GAL: variants seen among roughly 807,000 people sequenced by gnomAD.
GAL encodes the protein galanin and GMAP prepropeptide.
Under a neutral mutation model 15.8 loss-of-function variants are expected in GAL, and 14 were observed. That is an observed-to-expected ratio of 0.89 (90% CI 0.59 to 1.39). The LOEUF (loss-of-function observed/expected upper bound fraction) is 1.39, where lower values mean the gene tolerates loss of function less well. Among genes scored for constraint, GAL ranks in the 40% most tolerant of loss-of-function variants. The pLI, the probability that GAL is intolerant of heterozygous loss-of-function variation, is 0.00. For synonymous variants in GAL, 79 were observed against 73.8 expected (o/e 1.07, Z -0.36); for missense variants, 176 against 170.4 (o/e 1.03, Z -0.18).
intron 5 of GAL, among the ~76,000 whole-genome samples, chr11:68,689,481 C>G (rs1263671616): frequency 6.6e-6 from 1 of 152,090 alleles, no homozygotes; most frequent in Non-Finnish European, 1.5e-5. Context: ...ACTGCAGCCT[C>G]TGCCTCCTGG....
At chr11:68,690,850 C>CATGCTTCCTGTAGCAT in intron 5 of GAL, 67 bp from the exon 6 acceptor site, 1 of 1,000,364 alleles carries the variant, frequency 1.0e-6, no homozygotes, top group Non-Finnish European at 1.6e-6. Context: ...TAGCATGTGT[C>CATGCTTCCTGTAGCAT]GTGGTTGTAA....
At chr11:68,688,237 G>A in intron 4 of GAL, 137 bp downstream of exon 4, 1 of 643,032 alleles carries the variant, frequency 1.6e-6, no homozygotes, top group Non-Finnish European at 2.8e-6. Flanking sequence ...AAGACGATGT[G>A]GCCTCGCCAC....
At position 68,684,977 on chromosome 11, in the gene GAL, T is replaced by C; in HGVS notation, c.54T>C (p.Leu18=). The C allele has an allele frequency of 6.2e-7, 1 of 1,606,290 alleles. No homozygotes were observed. Among genetic ancestry groups the C allele is most frequent in the Non-Finnish European group, 8.5e-7 (1 of 1,176,434 alleles). Residue 18 remains leucine, a synonymous_variant, in exon 2 of 6, where the codon CTT becomes CTC. Coordinates refer to ENST00000265643, the MANE Select transcript of GAL (RefSeq NM_015973.5). The part of the protein sequence containing the change: ...LLASLLLAAA[L]SASAGLWSPA... ...CCTCCCTCCTCCTCGCCGCGGCCCT[T>C]TCTGCCTCTGCGGGGCTCTGGTCGC... is the stretch of plus-strand genomic sequence containing the variant.
chr11:68,686,407 G>C (rs1945852719), intron 3 of GAL, among the ~76,000 whole-genome samples: 1 of 152,156 alleles, frequency 6.6e-6, no homozygotes, highest in South Asian at 2.1e-4. Flanking sequence ...AAGCCTCCCT[G>C]TACTGCCTTC....
intron 5 of GAL, among the ~76,000 whole-genome samples, chr11:68,689,233 C>T (rs544022397): frequency 2.0e-4 from 30 of 152,340 alleles, no homozygotes; most frequent in Non-Finnish European, 3.8e-4. Flanking sequence ...CACACGGTGA[C>T]AACTGCTGTA....
At position 68,685,581 on chromosome 11, in the gene GAL, T is replaced by C; in HGVS notation, c.82-13T>C. 6.2e-7 allele frequency: 1 copy of C among 1,606,968 alleles called. No individual in the cohort carries two copies. The highest frequency in any genetic ancestry group is 8.5e-7 in the Non-Finnish European group (1 of 1,173,614). On this transcript the variant is annotated splice_polypyrimidine_tract_variant and intron_variant, in intron 2 of 5. Transcript: ENST00000265643. ...CACAGCCCTGGCATCTGATCCCCTTTTCTCCCTTCAAGGCCAAGGAAAAAC... is the reference window on the plus strand; with the variant it reads ...CACAGCCCTGGCATCTGATCCCCTTCTCTCCCTTCAAGGCCAAGGAAAAAC...
chr11:68,688,231 C>G (rs566069453), intron 4 of GAL, 131 bp downstream of exon 4: 1 of 656,304 alleles, frequency 1.5e-6, no homozygotes, highest in East Asian at 2.7e-5. Flanking sequence ...TTGACTAAGA[C>G]GATGTGGCCT....
intron 5 of GAL, among the ~76,000 whole-genome samples, chr11:68,690,678 T>TTA (rs1290009491): frequency 3.3e-5 from 5 of 152,242 alleles, no homozygotes; most frequent in African/African-American, 9.6e-5. Context: ...CAGCTAGGAA[T>TTA]TATACCTCTT....
chr11:68,689,879 G>A (rs138295826), intron 5 of GAL, among the ~76,000 whole-genome samples: 1 of 152,344 alleles, frequency 6.6e-6, no homozygotes, highest in Non-Finnish European at 1.5e-5. Context: ...ACTACGCTTG[G>A]CATTCATTCT....
chr11:68,685,068 T>C (rs1945838554), intron 2 of GAL, 64 bp downstream of exon 2: 3 of 1,102,240 alleles, frequency 2.7e-6, no homozygotes, highest in Non-Finnish European at 4.0e-6. Flanking sequence ...CGTGGAGGGC[T>C]TCCTGGAGGA....
intron 3 of GAL, among the ~76,000 whole-genome samples, chr11:68,686,377 C>T (rs1945852431): frequency 6.6e-6 from 1 of 152,214 alleles, no homozygotes; most frequent in Non-Finnish European, 1.5e-5. Flanking sequence ...TTCCCCTCCA[C>T]ACCTCACCAT....
chr11:68,684,868 C>A, intron 1 of GAL, 56 bp from the exon 2 acceptor site: 1 of 1,126,654 alleles, frequency 8.9e-7, no homozygotes, highest in Non-Finnish European at 1.3e-6. Context: ...CACTCCTTGC[C>A]TCGGGGCGCA....
chr11:68,685,085 C>A, intron 2 of GAL, 81 bp downstream of exon 2: 1 of 918,788 alleles, frequency 1.1e-6, no homozygotes, highest in Non-Finnish European at 1.7e-6. Context: ...AGGAGGCAGC[C>A]TCCGCCCTGC....
At chr11:68,690,738 G>A (rs1945897024) in intron 5 of GAL, among the ~76,000 whole-genome samples, 179 bp from the exon 6 acceptor site, 1 of 152,144 alleles carries the variant, frequency 6.6e-6, no homozygotes, top group African/African-American at 2.4e-5. Flanking sequence ...ACTAACTGTG[G>A]GAGTTAAATC....
chr11:68,685,598 A>G lies in GAL; in HGVS notation c.86A>G (p.Lys29Arg). ...SASAGLWSPA[K>R]EKRGWTLNSA... ...ATCCCCTTTTCTCCCTTCAAGGCCA[A>G]GGAAAAACGAGGCTGGACCCTGAAC... Residue 29 changes from lysine to arginine, a missense_variant, in exon 3 of 6, where the codon AAG (lysine) becomes AGG (arginine). Transcript: ENST00000265643. 6.2e-7 allele frequency: 1 copy of G among 1,612,918 alleles called. No homozygotes were observed. The highest frequency in any genetic ancestry group is 1.1e-5 in the South Asian group (1 of 91,044).
chr11:68,685,675 C>T (rs1375168726), intron 3 of GAL, 27 bp downstream of exon 3: 3 of 1,554,882 alleles, frequency 1.9e-6, no homozygotes, highest in Non-Finnish European at 1.8e-6. Context: ...ATGGCCTCCC[C>T]ACTCCTGACC....
At chr11:68,688,992 A>G in intron 5 of GAL, 66 bp downstream of exon 5, 1 of 795,170 alleles carries the variant, frequency 1.3e-6, no homozygotes, top group Non-Finnish European at 2.2e-6. Context: ...AGGCCCATCG[A>G]GAAGAGAACC....
intron 3 of GAL, 103 bp downstream of exon 3, chr11:68,685,751 C>T (rs1594274015): frequency 1.3e-6 from 1 of 777,664 alleles, no homozygotes; most frequent in East Asian, 2.6e-5. Context: ...GACCCTCTGG[C>T]CTCCCTCTTG....
intron 2 of GAL, 73 bp downstream of exon 2, chr11:68,685,077 G>GCTGCCTCCTCC: frequency 2.0e-6 from 2 of 1,008,678 alleles, no homozygotes; most frequent in Non-Finnish European, 3.0e-6. Flanking sequence ...CTTCCTGGAG[G>GCTGCCTCCTCC]AGGCAGCCTC....
Sources: allele counts gnomAD v4.1 joint callset (sites outside exome capture counted in the v4.1 genomes callset), GRCh38; gene constraint gnomAD v4.1.1; transcripts MANE v1.5; gene names NCBI Gene and HGNC (gene_info 2026-07-23, HGNC 2026-07-21).